The following TMEM131L variants were observed in gnomAD, a reference collection of about 807,000 sequenced individuals.
TMEM131L encodes transmembrane protein 131-like.
In TMEM131L, 54 loss-of-function variants were observed where a neutral mutation model predicts 192.2. The observed-to-expected ratio is 0.28, with a 90% CI of 0.23 to 0.35. The LOEUF (loss-of-function observed/expected upper bound fraction) is 0.35, where lower values mean the gene tolerates loss of function less well. TMEM131L is among the 10% of genes least tolerant of loss of function. The probability of loss-of-function intolerance (pLI) is 1.00; values close to 1 mark genes in which losing one functional copy is unlikely to be tolerated. For synonymous variants in TMEM131L, 701 were observed against 704.9 expected, an observed-to-expected ratio of 0.99 and a Z score of 0.09; for missense variants, 1,888 against 1,972.9, an observed-to-expected ratio of 0.96 and a Z score of 0.82.
chr4:153,624,222 G>A (rs766263919), intron 29 of TMEM131L, among the ~76,000 whole-genome samples: 29 of 151,424 alleles, frequency 1.9e-4, no homozygotes, highest in Non-Finnish European at 3.4e-4. Flanking sequence ...GGTTTTAAGC[G>A]ATTCTTGTGC....
At chr4:153,550,183 A>G (rs1737500575) in intron 4 of TMEM131L, 42 bp downstream of exon 4, 1 of 846,308 alleles carries the variant, frequency 1.2e-6, no homozygotes, top group Non-Finnish European at 1.8e-6. Context: ...TTTTATTTAT[A>G]CTATTTATTT....
At chr4:153,489,835 A>G (rs1233747730) in intron 3 of TMEM131L, among the ~76,000 whole-genome samples, 1 of 152,148 alleles carries the variant, frequency 6.6e-6, no homozygotes, top group Non-Finnish European at 1.5e-5. Context: ...GCAAATAGGC[A>G]AAACCATGAA....
intron 29 of TMEM131L, 55 bp downstream of exon 29, chr4:153,623,138 C>A: frequency 6.9e-7 from 1 of 1,454,490 alleles, no homozygotes; most frequent in Non-Finnish European, 9.2e-7. Flanking sequence ...TCTGCCCTCC[C>A]ACGTACCCAG....
intron 3 of TMEM131L, among the ~76,000 whole-genome samples, chr4:153,479,287 G>A (rs576114816): frequency 6.6e-6 from 1 of 152,264 alleles, no homozygotes; most frequent in East Asian, 1.9e-4. Context: ...GTATTTGGTC[G>A]AAAGCCAAAA....
In TMEM131L at chr4:153,583,259, A is replaced by G. The variant is rs771539110; in HGVS notation, c.951+11A>G. ...CTTATATGGATACAGGTAATTGTAAATGCTTACCTAAAGTAACTTTTAAAA... is the reference window on the plus strand; with the variant it reads ...CTTATATGGATACAGGTAATTGTAAGTGCTTACCTAAAGTAACTTTTAAAA... On this transcript the variant is annotated intron_variant, in intron 10 of 34. Coordinates refer to ENST00000409959, the MANE Select transcript of TMEM131L (RefSeq NM_001131007.2). The G allele has an allele frequency of 7.7e-6, 10 of 1,301,918 alleles. No individual in the cohort carries two copies. The highest frequency in any genetic ancestry group is 2.3e-5 in the East Asian group (1 of 43,410). 80.6% of individuals were successfully genotyped at this position (1,301,918 alleles called of 1,614,324 possible). A position where few individuals can be genotyped will look rare whatever the true frequency, so the allele number is the denominator to read the frequency against.
intron 3 of TMEM131L, among the ~76,000 whole-genome samples, chr4:153,492,466 A>C (rs896090189): frequency 3.4e-4 from 52 of 152,246 alleles, no homozygotes; most frequent in African/African-American, 1.3e-3. Context: ...ATATGCACAA[A>C]ACTTTGTTTA....
intron 7 of TMEM131L, among the ~76,000 whole-genome samples, chr4:153,570,154 T>TAA (rs1204952802): frequency 6.6e-6 from 1 of 152,214 alleles, no homozygotes; most frequent in Non-Finnish European, 1.5e-5. Context: ...GGTTCAATAG[T>TAA]AAGTCATTTG....
chr4:153,488,794 G>A (rs1262735716), intron 3 of TMEM131L, among the ~76,000 whole-genome samples: 16 of 152,188 alleles, frequency 1.1e-4, no homozygotes, highest in Non-Finnish European at 2.1e-4. Context: ...GCAGGGCCAC[G>A]CTGCCTCTGA....
chr4:153,587,378 A>G (rs771355238), intron 14 of TMEM131L, among the ~76,000 whole-genome samples: 2 of 152,064 alleles, frequency 1.3e-5, no homozygotes, highest in African/African-American at 2.4e-5. Context: ...AGACTAATCT[A>G]ATCTTTTTTT....
chr4:153,521,704 C>T (rs993327097), intron 3 of TMEM131L, among the ~76,000 whole-genome samples: 1 of 152,058 alleles, frequency 6.6e-6, no homozygotes, highest in African/African-American at 2.4e-5. Context: ...CGCTCAAGCC[C>T]GTAGCACCCA....
intron 3 of TMEM131L, among the ~76,000 whole-genome samples, chr4:153,520,378 G>C (rs1735025116): frequency 6.6e-6 from 1 of 152,184 alleles, no homozygotes; most frequent in Non-Finnish European, 1.5e-5. Context: ...GCTGAGGCAG[G>C]AGGATAGCTG....
At chr4:153,477,723 G>A (rs1731650000) in intron 3 of TMEM131L, among the ~76,000 whole-genome samples, 1 of 152,024 alleles carries the variant, frequency 6.6e-6, no homozygotes, top group Non-Finnish European at 1.5e-5. Flanking sequence ...TCAGAAAATA[G>A]TACTCACTCT....
chr4:153,600,794 C>T (rs1731784852), intron 21 of TMEM131L, among the ~76,000 whole-genome samples: 1 of 152,118 alleles, frequency 6.6e-6, no homozygotes, highest in Admixed American at 6.5e-5. Flanking sequence ...GAAAACTATA[C>T]TAAATGGGCA....
chr4:153,577,043 C>A (rs1729997898), intron 7 of TMEM131L, among the ~76,000 whole-genome samples: 1 of 152,130 alleles, frequency 6.6e-6, no homozygotes, highest in African/African-American at 2.4e-5. Context: ...GTAGAAGTTG[C>A]TGTGGTGTCT....
chr4:153,468,917 C>G (rs1416997075), intron 2 of TMEM131L, among the ~76,000 whole-genome samples: 1 of 152,082 alleles, frequency 6.6e-6, no homozygotes, highest in East Asian at 1.9e-4. Context: ...GGAAGCCAAC[C>G]CAGACTAAAA....
Position 153,585,521 on chromosome 4 carries a change from A to C in TMEM131L, c.1221A>C (p.Gly407=), listed in dbSNP as rs776752724. ...FHIETHENTS[G]LWSIWYRNHF... ...TAGAGACTCATGAGAACACATCAGGACTTTGGTCAATATGGTACCGCAACC... is the reference window on the plus strand; with the variant it reads ...TAGAGACTCATGAGAACACATCAGGCCTTTGGTCAATATGGTACCGCAACC... The change falls in exon 13 of 35, where the codon GGA becomes GGC. Residue 407 remains glycine, a synonymous_variant. Transcript: ENST00000409959. 3 of 1,614,014 alleles carry C rather than the reference A, an allele frequency of 1.9e-6. No individual in the cohort carries two copies. The African/African-American group carries it at 4.0e-5, about 22-fold the overall frequency.
At chr4:153,483,797 AC>A (rs1270718283) in intron 3 of TMEM131L, among the ~76,000 whole-genome samples, 2 of 152,154 alleles carry the variant, frequency 1.3e-5, no homozygotes, top group Non-Finnish European at 2.9e-5. Flanking sequence ...AACCAAACTT[AC>A]ATTTCTTTAG....
intron 8 of TMEM131L, 49 bp from the exon 9 acceptor site, chr4:153,581,358 A>T (rs762394317): frequency 4.1e-6 from 6 of 1,445,890 alleles, no homozygotes; most frequent in Non-Finnish European, 1.8e-6. Flanking sequence ...GAAACCACAA[A>T]GTTGAGATGA....
At chr4:153,485,312 G>T (rs1170521041) in intron 3 of TMEM131L, among the ~76,000 whole-genome samples, 4 of 152,020 alleles carry the variant, frequency 2.6e-5, no homozygotes, top group African/African-American at 9.7e-5. Context: ...ACATTGTCCA[G>T]TCCCTATTGT....
Sources: gnomAD v4.1 joint callset for allele counts (sites outside exome capture counted in the v4.1 genomes callset) on GRCh38, gnomAD v4.1.1 for gene constraint, MANE v1.5 for transcripts, NCBI Gene and HGNC (gene_info 2026-07-23, HGNC 2026-07-21) for gene names.